The following SOX5 variants were observed in gnomAD, a reference collection of about 807,000 sequenced individuals.
SOX5 encodes the protein SRY-box transcription factor 5.
In SOX5, 9 loss-of-function variants were observed where a neutral mutation model predicts 92.0. That is an observed-to-expected ratio of 0.10 (90% CI 0.06 to 0.17). The LOEUF (loss-of-function observed/expected upper bound fraction) is 0.17, where lower values mean the gene tolerates loss of function less well. Among genes scored for constraint, SOX5 ranks in the 10% least tolerant of loss-of-function variants. The probability of loss-of-function intolerance (pLI) is 1.00; values close to 1 mark genes in which losing one functional copy is unlikely to be tolerated. For missense variants in SOX5, 642 were observed against 944.5 expected, an observed-to-expected ratio of 0.68 and a Z score of 4.20; for synonymous variants, 344 against 336.3, an observed-to-expected ratio of 1.02 and a Z score of -0.25.
chr12:23,551,556 G>A lies in SOX5; in HGVS notation c.1489-5132C>T, dbSNP rs540214616. ...ACACTTTCCTCTAACTCTAACAAAA[G>A]TACATGTTGAAGAGATCTGTCACTA... On this transcript the variant is annotated intron_variant, in intron 11 of 14. Coordinates refer to ENST00000451604, the MANE Select transcript of SOX5 (RefSeq NM_006940.6). Among the ~76,000 whole-genome samples the A allele has an allele frequency of 1.5e-4, 23 of 151,740 alleles. No individual in the cohort carries two copies. In the East Asian group the frequency reaches 4.4e-3, roughly 29 times the overall value.
chr12:23,811,616 CATAAACT>C (rs1408188767), intron 3 of SOX5, among the ~76,000 whole-genome samples: 1 of 151,952 alleles, frequency 6.6e-6, no homozygotes, highest in Non-Finnish European at 1.5e-5. Flanking sequence ...AATATATGTA[CATAAACT>C]ATGTTGAGAG....
intron 7 of SOX5, among the ~76,000 whole-genome samples, chr12:23,642,237 T>C (rs1250300455): frequency 1.3e-5 from 2 of 152,182 alleles, no homozygotes; most frequent in Non-Finnish European, 2.9e-5. Flanking sequence ...TCCCAGGTTA[T>C]TTTTTAGGCT....
chr12:23,886,950 A>G (rs895414800), intron 2 of SOX5, among the ~76,000 whole-genome samples: 2 of 152,222 alleles, frequency 1.3e-5, no homozygotes, highest in African/African-American at 4.8e-5. Context: ...AGTGTTGTTT[A>G]GCTAAGTACG....
intron 7 of SOX5, among the ~76,000 whole-genome samples, chr12:23,663,431 G>A (rs2083339797): frequency 6.6e-6 from 1 of 152,116 alleles, no homozygotes; most frequent in African/African-American, 2.4e-5. Context: ...GTGAGGTGGA[G>A]GTGTTCTTGA....
intron 3 of SOX5, among the ~76,000 whole-genome samples, chr12:24,245,971 T>C (rs1049357343): frequency 7.9e-5 from 12 of 152,218 alleles, no homozygotes; most frequent in African/African-American, 2.9e-4. Context: ...ATGGCTTTAG[T>C]GTAGAACTGT....
intron 1 of SOX5, among the ~76,000 whole-genome samples, chr12:24,438,409 AC>A (rs1939871246): frequency 6.6e-6 from 1 of 152,146 alleles, no homozygotes; most frequent in Non-Finnish European, 1.5e-5. Flanking sequence ...CTGTACATGT[AC>A]CCCAGGACTT....
chr12:23,616,925 G>A (rs986032732), intron 8 of SOX5, among the ~76,000 whole-genome samples: 5 of 152,176 alleles, frequency 3.3e-5, no homozygotes, highest in Middle Eastern at 3.4e-3. Flanking sequence ...TTTGAGACGA[G>A]CCTGGGCAAC....
intron 1 of SOX5, among the ~76,000 whole-genome samples, chr12:24,525,728 C>T (rs889158985): frequency 2.6e-5 from 4 of 151,964 alleles, no homozygotes; most frequent in Admixed American, 6.6e-5. Context: ...AAAAAATAGC[C>T]GGGCTTGGTG....
chr12:23,736,683 CTT>C (rs2093607854), intron 5 of SOX5, among the ~76,000 whole-genome samples: 3 of 143,158 alleles, frequency 2.1e-5, no homozygotes, highest in Admixed American at 2.1e-4. Context: ...ACATTTTGTT[CTT>C]TCTCTTTTTT....
intron 1 of SOX5, among the ~76,000 whole-genome samples, chr12:24,415,218 T>C (rs1294956175): frequency 1.3e-5 from 2 of 152,212 alleles, no homozygotes; most frequent in Non-Finnish European, 2.9e-5. Flanking sequence ...TTAAAAAACA[T>C]AGGTGAACAC....
intron 1 of SOX5, among the ~76,000 whole-genome samples, chr12:24,554,517 C>T (rs768182936): frequency 1.4e-4 from 22 of 152,254 alleles, no homozygotes; most frequent in South Asian, 6.2e-4. Flanking sequence ...AGTCCCTTGT[C>T]TGAGGAATGT....
intron 1 of SOX5, among the ~76,000 whole-genome samples, chr12:24,436,675 G>A (rs981684483): frequency 2.0e-5 from 3 of 151,996 alleles, no homozygotes; most frequent in African/African-American, 4.8e-5. Context: ...TGATGACGGG[G>A]GCTACACTAC....
intron 3 of SOX5, among the ~76,000 whole-genome samples, chr12:23,841,388 T>C (rs912665754): frequency 2.6e-5 from 4 of 152,112 alleles, no homozygotes; most frequent in Admixed American, 6.5e-5. Context: ...CTTTGGAAGA[T>C]AGTCTGGCAG....
intron 6 of SOX5, among the ~76,000 whole-genome samples, chr12:23,682,224 C>T (rs2086740339): frequency 2.0e-5 from 3 of 151,610 alleles, no homozygotes; most frequent in African/African-American, 4.8e-5. Context: ...TAGTGCTGTA[C>T]AAAAATATGA....
chr12:23,953,620 A>T (rs1471529023), upstream of SOX5, among the ~76,000 whole-genome samples: 1 of 152,060 alleles, frequency 6.6e-6, no homozygotes, highest in East Asian at 1.9e-4. Context: ...CCAAATTTCA[A>T]ATCAATTTTT....
At chr12:24,006,310 T>C (rs1952156877) in intron 4 of SOX5, among the ~76,000 whole-genome samples, 1 of 152,190 alleles carries the variant, frequency 6.6e-6, no homozygotes, top group Non-Finnish European at 1.5e-5. Flanking sequence ...CCTAAGATGT[T>C]ACAATAACAA....
chr12:24,102,643 G>C (rs903169426), intron 4 of SOX5, among the ~76,000 whole-genome samples: 1 of 152,098 alleles, frequency 6.6e-6, no homozygotes, highest in Non-Finnish European at 1.5e-5. Context: ...ACTTTCCAGG[G>C]CACTACCATG....
At chr12:23,720,604 A>G (rs1184791038) in intron 6 of SOX5, among the ~76,000 whole-genome samples, 1 of 152,198 alleles carries the variant, frequency 6.6e-6, no homozygotes, top group Admixed American at 6.5e-5. Context: ...TCACTGTAAA[A>G]ATGATCTTTA....
intron 4 of SOX5, among the ~76,000 whole-genome samples, chr12:24,201,817 C>G (rs1010803532): frequency 1.3e-5 from 2 of 152,252 alleles, no homozygotes; most frequent in South Asian, 4.1e-4. Flanking sequence ...CGATACTGTG[C>G]CCCTTACTTC....
Sources: allele counts gnomAD v4.1 joint callset (sites outside exome capture counted in the v4.1 genomes callset), GRCh38; gene constraint gnomAD v4.1.1; transcripts MANE v1.5; gene names NCBI Gene and HGNC (gene_info 2026-07-23, HGNC 2026-07-21).